The following TBC1D22A variants were observed in gnomAD, a reference collection of about 807,000 sequenced individuals.
TBC1D22A encodes the protein putative GTPase activator.
In TBC1D22A, 38 loss-of-function variants were observed where a neutral mutation model predicts 60.2. The observed-to-expected ratio is 0.63, with a 90% CI of 0.49 to 0.83. The LOEUF (loss-of-function observed/expected upper bound fraction) is 0.83, where lower values mean the gene tolerates loss of function less well. Ranked by LOEUF, TBC1D22A falls within the 40% of genes least tolerant of loss-of-function variation. TBC1D22A has a pLI of 0.00. For synonymous variants in TBC1D22A, 302 were observed against 281.7 expected (o/e 1.07, Z -0.72); for missense variants, 628 against 701.0 (o/e 0.90, Z 1.18).
intron 12 of TBC1D22A, among the ~76,000 whole-genome samples, chr22:47,136,507 A>G (rs1276805779): frequency 1.4e-5 from 2 of 147,844 alleles, no homozygotes; most frequent in East Asian, 4.1e-4. Flanking sequence ...ATGCCCTGGC[A>G]TCCAGCCTTC....
chr22:46,941,364 A>AATAT (rs1179127587), intron 8 of TBC1D22A, among the ~76,000 whole-genome samples: 1 of 148,844 alleles, frequency 6.7e-6, no homozygotes, highest in Non-Finnish European at 1.5e-5. Context: ...ATATATACAG[A>AATAT]ATATATATAC....
chr22:46,764,371 A>G lies in TBC1D22A; in HGVS notation c.62+1523A>G, dbSNP rs538150772. The G allele has an allele frequency of 2.0e-5, 3 of 152,362 alleles. No individual in the cohort carries two copies. The South Asian group carries it at 6.2e-4, about 32-fold the overall frequency. The allele number at this position is 152,362 out of a possible 1,614,324, so 9.4% of individuals were successfully genotyped here. A position where few individuals can be genotyped will look rare whatever the true frequency, so the allele number is the denominator to read the frequency against. On this transcript the variant is annotated intron_variant, in intron 1 of 12. Coordinates refer to ENST00000337137, the MANE Select transcript of TBC1D22A (RefSeq NM_014346.5). Reference sequence around the variant, plus strand: ...GCTGTAGAACATAAGAGTCCAGGGAAGAGGAGCCACATGACAGTGTAACTT... The same window carrying G: ...GCTGTAGAACATAAGAGTCCAGGGAGGAGGAGCCACATGACAGTGTAACTT...
intron 3 of TBC1D22A, among the ~76,000 whole-genome samples, chr22:46,796,924 G>A (rs2084678907): frequency 6.6e-6 from 1 of 152,224 alleles, no homozygotes; most frequent in African/African-American, 2.4e-5. Context: ...GCGGGGTTGG[G>A]CACGCTCTTG....
At chr22:47,075,252 A>G (rs1185772667) in intron 11 of TBC1D22A, among the ~76,000 whole-genome samples, 3 of 150,086 alleles carry the variant, frequency 2.0e-5, no homozygotes, top group Non-Finnish European at 4.4e-5. Context: ...CCAAAGTACT[A>G]AACTGGGAGT....
chr22:46,875,820 A>G (rs2067533188), intron 4 of TBC1D22A, among the ~76,000 whole-genome samples: 2 of 152,174 alleles, frequency 1.3e-5, no homozygotes, highest in Admixed American at 1.3e-4. Context: ...CAAACAAACA[A>G]ATCTCTAAAG....
At chr22:47,089,581 G>T (rs538842123) in intron 11 of TBC1D22A, among the ~76,000 whole-genome samples, 1 of 152,256 alleles carries the variant, frequency 6.6e-6, no homozygotes, top group Non-Finnish European at 1.5e-5. Context: ...TGTGGGAGGA[G>T]TGAGGCCGGC....
chr22:46,803,026 C>T (rs761767259), intron 4 of TBC1D22A, among the ~76,000 whole-genome samples: 13 of 152,078 alleles, frequency 8.5e-5, no homozygotes, highest in Non-Finnish European at 1.6e-4. Context: ...ACTGGGGAGA[C>T]AAAATCTCCT....
chr22:46,944,641 G>A (rs1180425530), intron 8 of TBC1D22A, among the ~76,000 whole-genome samples: 2 of 152,270 alleles, frequency 1.3e-5, no homozygotes, highest in East Asian at 1.9e-4. Context: ...CTTGTAATCT[G>A]CCCACCTTGG....
chr22:46,825,014 C>T (rs2085989817), intron 4 of TBC1D22A, among the ~76,000 whole-genome samples: 1 of 152,034 alleles, frequency 6.6e-6, no homozygotes, highest in African/African-American at 2.4e-5. Context: ...TACATTGAGA[C>T]CTGGCCTGCC....
chr22:47,002,651 C>T (rs2061440077), intron 10 of TBC1D22A, among the ~76,000 whole-genome samples: 1 of 152,166 alleles, frequency 6.6e-6, no homozygotes, highest in Non-Finnish European at 1.5e-5. Context: ...AGAATTGTCC[C>T]ATTGGGGGTG....
At chr22:46,887,783 TG>T (rs1353501885) in intron 5 of TBC1D22A, among the ~76,000 whole-genome samples, 1 of 152,198 alleles carries the variant, frequency 6.6e-6, no homozygotes, top group Non-Finnish European at 1.5e-5. Context: ...CACACGATTT[TG>T]GGGTACACCT....
intron 10 of TBC1D22A, among the ~76,000 whole-genome samples, chr22:47,016,400 A>G (rs149207785): frequency 6.6e-6 from 1 of 152,238 alleles, no homozygotes; most frequent in East Asian, 1.9e-4. Flanking sequence ...TCCCCCAAGG[A>G]ACCCTCATGT....
chr22:47,067,419 C>G (rs2063812457), intron 11 of TBC1D22A, among the ~76,000 whole-genome samples: 1 of 152,228 alleles, frequency 6.6e-6, no homozygotes, highest in African/African-American at 2.4e-5. Flanking sequence ...GAAGGGGCGA[C>G]TGCTCAGGAG....
At chr22:46,910,591 G>A (rs2069843160) in intron 7 of TBC1D22A, among the ~76,000 whole-genome samples, 1 of 152,156 alleles carries the variant, frequency 6.6e-6, no homozygotes, top group Non-Finnish European at 1.5e-5. Flanking sequence ...TAGCTGGCAG[G>A]CAGCCCGAAG....
intron 4 of TBC1D22A, among the ~76,000 whole-genome samples, chr22:46,803,006 A>C (rs1415536131): frequency 6.6e-6 from 1 of 152,100 alleles, no homozygotes; most frequent in Non-Finnish European, 1.5e-5. Flanking sequence ...CACTCCAGAG[A>C]TGGCATTTCA....
intron 8 of TBC1D22A, among the ~76,000 whole-genome samples, chr22:46,932,040 A>T (rs558334030): frequency 6.6e-6 from 1 of 152,134 alleles, no homozygotes; most frequent in Non-Finnish European, 1.5e-5. Context: ...CCTTATTCTG[A>T]TGTTACGCGG....
chr22:47,014,001 C>CTGGG (rs1569337786), intron 10 of TBC1D22A, among the ~76,000 whole-genome samples: 1 of 152,220 alleles, frequency 6.6e-6, no homozygotes, highest in African/African-American at 2.4e-5. Context: ...CTCTGGTGAT[C>CTGGG]TGGGGGTGGG....
intron 4 of TBC1D22A, among the ~76,000 whole-genome samples, chr22:46,851,724 A>G (rs2087286883): frequency 6.6e-6 from 1 of 152,272 alleles, no homozygotes; most frequent in Non-Finnish European, 1.5e-5. Context: ...GAAGAATCAG[A>G]AATGGAATTT....
chr22:47,107,604 T>C (rs985749569), intron 11 of TBC1D22A, among the ~76,000 whole-genome samples: 1 of 152,226 alleles, frequency 6.6e-6, no homozygotes, highest in Non-Finnish European at 1.5e-5. Context: ...AAGAGCTATA[T>C]CATGGTCATG....
Sources: allele counts gnomAD v4.1 joint callset (sites outside exome capture counted in the v4.1 genomes callset), GRCh38; gene constraint gnomAD v4.1.1; transcripts MANE v1.5; gene names NCBI Gene and HGNC (gene_info 2026-07-23, HGNC 2026-07-21).